MYO15B: variants seen among roughly 807,000 people sequenced by gnomAD.
MYO15B encodes the protein myosin XVB, also known as myosin XVB pseudogene.
In MYO15B, 207 loss-of-function variants were observed where a neutral mutation model predicts 119.3. The observed-to-expected ratio is 1.73, with a 90% CI of 1.55 to 1.95. The LOEUF (loss-of-function observed/expected upper bound fraction) is 1.95. Ranked by LOEUF, MYO15B falls within the 30% of genes most tolerant of loss-of-function variation. MYO15B has a pLI of 0.00. For synonymous variants in MYO15B, 966 were observed against 498.9 expected, an observed-to-expected ratio of 1.94 and a Z score of -12.48; for missense variants, 2,264 against 1,203.1, an observed-to-expected ratio of 1.88 and a Z score of -13.04.
Position 75,610,315 on chromosome 17 carries a change from C to T in MYO15B, c.4386+56C>T, listed in dbSNP as rs770537092. The T allele has an allele frequency of 4.5e-4, 289 of 642,978 alleles. 1 individual carries two copies. The highest frequency in any genetic ancestry group is 6.5e-4 in the Non-Finnish European group (230 of 352,666). The allele number at this position is 642,978 out of a possible 1,614,324, so 39.8% of individuals were successfully genotyped here. On this transcript the variant is annotated intron_variant, in intron 22 of 63. Transcript: ENST00000645453. The stretch of plus-strand genomic sequence containing the variant: ...TAGAAGCCAGGCTGCCTGAGCTGGC[C>T]GAGCTGGCCAAATCCCAGCAGCGTT...
At chr17:75,626,358 C>T (rs112735574) in intron 63 of MYO15B, 49 bp from the exon 64 acceptor site, 7 of 702,346 alleles carry the variant, frequency 1.0e-5, no homozygotes, top group Middle Eastern at 2.3e-4. Context: ...GGGGCAGAGG[C>T]GAGGGGCTGG....
chr17:75,599,624 A>G (rs1000480819), intron 14 of MYO15B, among the ~76,000 whole-genome samples: 1 of 151,678 alleles, frequency 6.6e-6, no homozygotes, highest in Non-Finnish European at 1.5e-5. Flanking sequence ...AAGCACATGT[A>G]GGCCGGGCGC....
At chr17:75,595,096 G>A (rs948533449) in intron 12 of MYO15B, 124 bp downstream of exon 12, 34 of 625,886 alleles carry the variant, frequency 5.4e-5, no homozygotes, top group South Asian at 3.0e-4. Context: ...CTGGCAGGGC[G>A]CTTTCAGGGC....
rs114156422 is a variant in MYO15B, at chr17:75,591,812, G to C, written c.2547+100G>C. The C allele has an allele frequency of 5.0e-3, 3,431 of 687,376 alleles. 60 individuals are homozygous for C. The highest frequency in any genetic ancestry group is 0.026 in the South Asian group (1,693 of 65,850). The allele number at this position is 687,376 out of a possible 1,614,324, so 42.6% of individuals were successfully genotyped here. A position where few individuals can be genotyped will look rare whatever the true frequency, so the allele number is the denominator to read the frequency against. ...CCAAGGGACTATCTTTCTCCTTTCA[G>C]CCAGGAGAGGGGTGGTCTCCAGGCC... On this transcript the variant is annotated intron_variant, in intron 5 of 63. Coordinates refer to ENST00000645453, the Ensembl canonical transcript of MYO15B.
chr17:75,624,269 G>T (rs1029083142), exon 56 of MYO15B: 12 of 702,832 alleles, frequency 1.7e-5, no homozygotes, highest in Non-Finnish European at 2.9e-5. Flanking sequence ...AGGCTTTCCT[G>T]GTACTGGGGG....
chr17:75,605,350 T>C (rs8073042), intron 19 of MYO15B, among the ~76,000 whole-genome samples, 154 bp from the exon 20 acceptor site: 2,997 of 150,756 alleles, frequency 0.02, 82 homozygotes, highest in African/African-American at 0.068. Context: ...GGCAGGGGAA[T>C]GGCCTGAACC....
At position 75,605,488 on chromosome 17, in the gene MYO15B, T is replaced by G; in HGVS notation, c.4017-16T>G. ...AGGTTCTGGCTATTCTGATCTCAGCTCCATCCTTGGAGCAGCTTCCAGGCC... is the reference window on the plus strand; with the variant it reads ...AGGTTCTGGCTATTCTGATCTCAGCGCCATCCTTGGAGCAGCTTCCAGGCC... On this transcript the variant is annotated splice_polypyrimidine_tract_variant and intron_variant, in intron 19 of 63. Coordinates refer to ENST00000645453, the Ensembl canonical transcript of MYO15B. 1 of 699,588 alleles carries G rather than the reference T, an allele frequency of 1.4e-6. No individual in the cohort carries two copies. Among genetic ancestry groups the G allele is most frequent in the Non-Finnish European group, 2.6e-6 (1 of 384,294 alleles). 43.3% of individuals were successfully genotyped at this position (699,588 alleles called of 1,614,324 possible). A position where few individuals can be genotyped will look rare whatever the true frequency, so the allele number is the denominator to read the frequency against.
chr17:75,596,509 A>G (rs1252198281), exon 13 of MYO15B: 1 of 703,004 alleles, frequency 1.4e-6, no homozygotes, highest in Non-Finnish European at 2.6e-6. Flanking sequence ...CTCGCCAGCG[A>G]GCGCCTACAG....
intron 41 of MYO15B, 153 bp downstream of exon 41, chr17:75,617,457 T>A (rs1242159766): frequency 1.6e-5 from 9 of 550,708 alleles, no homozygotes; most frequent in Non-Finnish European, 2.2e-5. Flanking sequence ...AGCTGGGGAG[T>A]CCCAGCTTCC....
exon 30 of MYO15B, chr17:75,614,333 G>A (rs571016786): frequency 2.0e-5 from 14 of 702,758 alleles, no homozygotes; most frequent in East Asian, 1.6e-4. Context: ...GCTCGCCCCC[G>A]CAGCTACCCC....
intron 21 of MYO15B, among the ~76,000 whole-genome samples, chr17:75,609,485 A>ATTTT (rs749247022): frequency 1.4e-3 from 107 of 77,930 alleles, no homozygotes; most frequent in East Asian, 2.4e-3. Context: ...AAGGGAAATG[A>ATTTT]TTTTTTTTTT....
Position 75,615,773 on chromosome 17 carries a change from C to CA in MYO15B, c.5919_5920insA (p.Glu1974ArgfsTer28). On this transcript the variant is annotated frameshift_variant, in exon 36 of 64. Transcript: ENST00000645453. LOFTEE classifies it high-confidence loss of function. The stretch of plus-strand genomic sequence containing the variant: ...AGCGGCAGCAGCAGGCTCGGGCCTC[C>CA]GAGGCTGCGTCCCAGGCCTCACCCT... 1 of 702,252 alleles carries CA rather than the reference C, an allele frequency of 1.4e-6. No homozygotes were observed. Among genetic ancestry groups the CA allele is most frequent in the African/African-American group, 1.7e-5 (1 of 57,330 alleles). 43.5% of individuals were successfully genotyped at this position (702,252 alleles called of 1,614,324 possible).
At chr17:75,602,788 C>T in intron 16 of MYO15B, 42 bp from the exon 17 acceptor site, 2 of 607,906 alleles carry the variant, frequency 3.3e-6, no homozygotes, top group Non-Finnish European at 5.9e-6. Context: ...GGTGGATGGG[C>T]ACGCCCCAGC....
Position 75,621,417 on chromosome 17 carries a change from G to A in MYO15B, c.7935+9G>A, listed in dbSNP as rs370194160. On this transcript the variant is annotated intron_variant, in intron 51 of 63. Coordinates refer to ENST00000645453, the Ensembl canonical transcript of MYO15B. ...TGGTGCAGTACACCAAGGTGGGAGAGAGGCAGGGAGGGGTCTGGCCCGTAG... is the reference window on the plus strand; with the variant it reads ...TGGTGCAGTACACCAAGGTGGGAGAAAGGCAGGGAGGGGTCTGGCCCGTAG... The A allele has an allele frequency of 2.9e-6, 2 of 699,792 alleles. No individual in the cohort carries two copies. 43.3% of individuals were successfully genotyped at this position (699,792 alleles called of 1,614,324 possible).
exon 45 of MYO15B, chr17:75,619,451 A>G (rs1301157276): frequency 7.1e-6 from 5 of 702,218 alleles, no homozygotes; most frequent in Non-Finnish European, 1.3e-5. Flanking sequence ...TGGGCCAATT[A>G]CTTCTCCCGC....
At chr17:75,620,065 C>A (rs1397877453) in intron 47 of MYO15B, 45 bp downstream of exon 47, 4 of 680,918 alleles carry the variant, frequency 5.9e-6, no homozygotes, top group Non-Finnish European at 8.1e-6. Context: ...ACAGCCCTCA[C>A]CGATGCTGCA....
At chr17:75,599,244 A>G (rs1187185872) in intron 14 of MYO15B, among the ~76,000 whole-genome samples, 7 of 150,082 alleles carry the variant, frequency 4.7e-5, no homozygotes, top group Non-Finnish European at 1.0e-4. Context: ...ACTGACTCCT[A>G]CTATCATTCC....
rs770981597 is a variant in MYO15B at position 75,621,338 on chromosome 17, C to G, written c.7872-7C>G. On this transcript the variant is annotated splice_region_variant and splice_polypyrimidine_tract_variant and intron_variant, in intron 50 of 63. Coordinates refer to ENST00000645453, the Ensembl canonical transcript of MYO15B. ...CAAGCTGGGCTGTCTCCCTCTGCCC[C>G]CCACAGGCTGGGCCAGACTGATGGA... is the stretch of plus-strand genomic sequence containing the variant. The G allele has an allele frequency of 1.1e-5, 8 of 697,312 alleles. No individual in the cohort carries two copies. Among genetic ancestry groups the G allele is most frequent in the South Asian group, 8.9e-5 (6 of 67,278 alleles). The allele number at this position is 697,312 out of a possible 1,614,324, so 43.2% of individuals were successfully genotyped here.
At chr17:75,601,455 C>T (rs919838845) in exon 15 of MYO15B, 1 of 703,080 alleles carries the variant, frequency 1.4e-6, no homozygotes. Flanking sequence ...ACCACACCTT[C>T]CTCCAGAAGA....
Sources: gnomAD v4.1 joint callset for allele counts (sites outside exome capture counted in the v4.1 genomes callset) on GRCh38, gnomAD v4.1.1 for gene constraint, MANE v1.5 for transcripts, NCBI Gene and HGNC (gene_info 2026-07-23, HGNC 2026-07-21) for gene names.